NEK1: variants seen among roughly 807,000 people sequenced by gnomAD.
NEK1 encodes NIMA related kinase 1.
A neutral mutation model predicts 182.1 loss-of-function variants in NEK1; 137 were observed. That is an observed-to-expected ratio of 0.75 (90% confidence interval 0.65 to 0.87). The LOEUF is 0.87. Ranked by LOEUF, NEK1 falls within the 40% of genes least tolerant of loss-of-function variation. The probability of loss-of-function intolerance (pLI) is 0.00; values close to 1 mark genes in which losing one functional copy is unlikely to be tolerated. For missense variants in NEK1, 1,391 were observed against 1,494.4 expected (o/e 0.93, Z 1.14); for synonymous variants, 513 against 492.2 (o/e 1.04, Z -0.56).
intron 31 of NEK1, among the ~76,000 whole-genome samples, chr4:169,410,850 C>G (rs967432808): frequency 6.6e-6 from 1 of 152,204 alleles, no homozygotes; most frequent in Non-Finnish European, 1.5e-5. Context: ...ATCCACAGAA[C>G]ACATCTGGTC....
chr4:169,568,952 G>A (rs13328014), intron 12 of NEK1, among the ~76,000 whole-genome samples: 14,145 of 107,470 alleles, frequency 0.13, 1,116 homozygotes, highest in African/African-American at 0.36. Flanking sequence ...AAAAAAAAAA[G>A]AAAACCCAAA....
chr4:169,413,291 C>T lies in NEK1; in HGVS notation c.3223-6544G>A, dbSNP rs145764511. Among the ~76,000 whole-genome samples, 353 of 152,010 alleles carry T rather than the reference C, an allele frequency of 2.3e-3. 1 individual carries two copies. The highest frequency in any genetic ancestry group is 8.0e-3 in the African/African-American group (333 of 41,466). ...CAAGCGATCCTCCCATCTCTGCCTC[C>T]GAAGCAGCTGGGACTAGAGGTGGGT... On this transcript the variant is annotated intron_variant, in intron 31 of 35. Coordinates refer to ENST00000507142, the MANE Select transcript of NEK1 (RefSeq NM_001199397.3).
intron 18 of NEK1, among the ~76,000 whole-genome samples, chr4:169,551,342 A>C (rs535279758): frequency 3.3e-5 from 5 of 152,218 alleles, no homozygotes; most frequent in Non-Finnish European, 7.3e-5. Context: ...TCAGGAACAT[A>C]GATGACCAAA....
At chr4:169,524,373 A>T (rs1033298443) in intron 19 of NEK1, among the ~76,000 whole-genome samples, 2 of 150,172 alleles carry the variant, frequency 1.3e-5, no homozygotes, top group Non-Finnish European at 3.0e-5. Flanking sequence ...CTAAAGCAGA[A>T]TTGCTTGAAC....
At chr4:169,585,092 G>A (rs1489807506) in intron 10 of NEK1, among the ~76,000 whole-genome samples, 1 of 152,142 alleles carries the variant, frequency 6.6e-6, no homozygotes, top group African/African-American at 2.4e-5. Context: ...AGGAGGCTGA[G>A]GCAGAAGGAC....
At chr4:169,468,141 CA>C (rs1280270389) in intron 26 of NEK1, among the ~76,000 whole-genome samples, 1 of 151,854 alleles carries the variant, frequency 6.6e-6, no homozygotes, top group African/African-American at 2.4e-5. Context: ...AGATGAATCT[CA>C]AAAATCATTA....
chr4:169,432,892 G>T (rs548159296), intron 29 of NEK1, among the ~76,000 whole-genome samples: 10 of 152,086 alleles, frequency 6.6e-5, no homozygotes, highest in Non-Finnish European at 1.5e-4. Flanking sequence ...TCCTGCCTCA[G>T]CCTCCTGAGT....
At chr4:169,491,492 C>A (rs1343033865) in intron 23 of NEK1, among the ~76,000 whole-genome samples, 1 of 151,970 alleles carries the variant, frequency 6.6e-6, no homozygotes, top group Non-Finnish European at 1.5e-5. Flanking sequence ...CCCTGCCAGC[C>A]AACAATACTA....
At chr4:169,436,865 T>A (rs1296654207) in intron 28 of NEK1, among the ~76,000 whole-genome samples, 2 of 152,264 alleles carry the variant, frequency 1.3e-5, no homozygotes, top group East Asian at 1.9e-4. Context: ...TCTTACAGTA[T>A]CCTCATAGAT....
chr4:169,426,987 A>C (rs979158109), intron 29 of NEK1, among the ~76,000 whole-genome samples: 3 of 151,984 alleles, frequency 2.0e-5, no homozygotes, highest in African/African-American at 7.2e-5. Flanking sequence ...AAATTCATGC[A>C]TTTTTTTTAA....
intron 35 of NEK1, among the ~76,000 whole-genome samples, chr4:169,395,698 T>G (rs1158769784): frequency 6.6e-6 from 1 of 152,206 alleles, no homozygotes; most frequent in Non-Finnish European, 1.5e-5. Context: ...AAGCTAACTT[T>G]TGGCCATAGT....
intron 26 of NEK1, among the ~76,000 whole-genome samples, chr4:169,475,274 C>T (rs949265902): frequency 1.3e-5 from 2 of 152,112 alleles, no homozygotes; most frequent in African/African-American, 4.8e-5. Context: ...AAAAAGATTA[C>T]AGAGAACACA....
chr4:169,506,156 ATAAGTG>A (rs1265784168), intron 23 of NEK1, among the ~76,000 whole-genome samples: 2 of 152,048 alleles, frequency 1.3e-5, no homozygotes, highest in Non-Finnish European at 2.9e-5. Context: ...ACTAAGAACA[ATAAGTG>A]TAAAAAGGAG....
rs576540979 is a variant in NEK1, at chr4:169,399,949, G to A, written c.3847+276C>T. ...TAGGATTATTCTAATTGCTAGAGCT[G>A]TCCAAAAATCTATCTAGTAAGATTT... On this transcript the variant is annotated intron_variant, in intron 35 of 35. Coordinates refer to ENST00000507142, the MANE Select transcript of NEK1 (RefSeq NM_001199397.3). 3 of 389,238 alleles carry A rather than the reference G, an allele frequency of 7.7e-6. No individual in the cohort carries two copies. In the East Asian group the frequency reaches 1.8e-4, roughly 24 times the overall value. The allele number at this position is 389,238 out of a possible 1,614,324, so 24.1% of individuals were successfully genotyped here.
chr4:169,535,154 T>C (rs1758268477), intron 19 of NEK1, among the ~76,000 whole-genome samples: 1 of 151,840 alleles, frequency 6.6e-6, no homozygotes, highest in Non-Finnish European at 1.5e-5. Flanking sequence ...ACCCCATCTC[T>C]ACTAAAAAAT....
chr4:169,431,274 T>C (rs1391211791), intron 29 of NEK1, among the ~76,000 whole-genome samples: 5 of 147,822 alleles, frequency 3.4e-5, no homozygotes, highest in Non-Finnish European at 6.1e-5. Flanking sequence ...ACAAGAGTAT[T>C]ATACTTGTGA....
chr4:169,601,929 CTT>C (rs958033795), intron 4 of NEK1, 77 bp downstream of exon 4: 7 of 1,010,716 alleles, frequency 6.9e-6, no homozygotes, highest in African/African-American at 1.6e-5. Context: ...AAAATGGTAT[CTT>C]TTTCCTAAGA....
chr4:169,570,143 C>T (rs1224786488), intron 12 of NEK1, among the ~76,000 whole-genome samples: 5 of 151,004 alleles, frequency 3.3e-5, no homozygotes, highest in South Asian at 2.1e-4. Context: ...TCTGCCCCGC[C>T]GCCCCGTCTG....
chr4:169,459,803 C>T (rs1743614818), intron 27 of NEK1, among the ~76,000 whole-genome samples: 1 of 152,032 alleles, frequency 6.6e-6, no homozygotes, highest in South Asian at 2.1e-4. Context: ...CTGTATGAGT[C>T]CAATTACATG....
Sources: gnomAD v4.1 joint callset for allele counts (sites outside exome capture counted in the v4.1 genomes callset) on GRCh38, gnomAD v4.1.1 for gene constraint, MANE v1.5 for transcripts, NCBI Gene and HGNC (gene_info 2026-07-23, HGNC 2026-07-21) for gene names.